SPMIP1: variants seen among roughly 807,000 people sequenced by gnomAD.
SPMIP1 encodes sperm microtubule inner protein 1.
the SPMIP1 span, among the ~76,000 whole-genome samples, chr7:128,867,179 A>C: frequency 1.9e-3 from 285 of 152,324 alleles, 9 homozygotes; most frequent in South Asian, 0.048. Context: ...ACCTGTATGT[A>C]GGCAGTGGCT....
At chr7:128,871,297 G>A in the SPMIP1 span, 2 of 152,216 alleles carry the variant, frequency 1.3e-5, no homozygotes, top group Non-Finnish European at 2.9e-5. Context: ...CTGGGAGTGA[G>A]AAGGGTCACG....
At chr7:128,871,649 A>T in the SPMIP1 span, 1 of 152,234 alleles carries the variant, frequency 6.6e-6, no homozygotes, top group African/African-American at 2.4e-5. Flanking sequence ...TGAAATTGAG[A>T]ACTTTCCCAA....
the SPMIP1 span, chr7:128,866,596 T>TCCCCCCCCCCCC: frequency 1.6e-6 from 2 of 1,240,132 alleles, no homozygotes; most frequent in East Asian, 3.3e-5. Flanking sequence ...AGCCCCACTC[T>TCCCCCCCCCCCC]CACCCCCACC....
chr7:128,867,285 C>CAA, the SPMIP1 span, among the ~76,000 whole-genome samples: 2 of 152,140 alleles, frequency 1.3e-5, no homozygotes, highest in African/African-American at 4.8e-5. Flanking sequence ...GAGCTGAAAT[C>CAA]AATTCAGGAT....
At chr7:128,870,032 C>G in the SPMIP1 span, 1 of 152,180 alleles carries the variant, frequency 6.6e-6, no homozygotes, top group Non-Finnish European at 1.5e-5. Context: ...GGGCTTCGGG[C>G]GGGTAAGCGC....
the SPMIP1 span, among the ~76,000 whole-genome samples, chr7:128,867,709 C>T: frequency 2.6e-5 from 4 of 152,146 alleles, no homozygotes; most frequent in East Asian, 7.7e-4. Flanking sequence ...GTAGCTGGGA[C>T]TGCAGGCGTG....
the SPMIP1 span, among the ~76,000 whole-genome samples, chr7:128,867,422 G>A: frequency 6.6e-6 from 1 of 152,190 alleles, no homozygotes; most frequent in South Asian, 2.1e-4. Flanking sequence ...GAGAGGTCAG[G>A]GCTGGAGCGT....
the SPMIP1 span, chr7:128,866,813 C>T: frequency 1.4e-5 from 21 of 1,533,572 alleles, no homozygotes; most frequent in Admixed American, 9.8e-5. Context: ...ACCAGCTTCA[C>T]GTATGGCTGG....
the SPMIP1 span, chr7:128,868,736 G>A: frequency 6.5e-7 from 1 of 1,535,708 alleles, no homozygotes; most frequent in Non-Finnish European, 8.7e-7. Context: ...GCAAGAACGG[G>A]GCCTTCGCAC....
the SPMIP1 span, among the ~76,000 whole-genome samples, chr7:128,867,562 T>C: frequency 6.6e-6 from 1 of 151,978 alleles, no homozygotes; most frequent in Non-Finnish European, 1.5e-5. Context: ...CATTGGAATA[T>C]AGGTGCTTTT....
At chr7:128,871,785 G>C in the SPMIP1 span, 2 of 152,216 alleles carry the variant, frequency 1.3e-5, no homozygotes, top group East Asian at 3.9e-4. Flanking sequence ...GAGACTCCTG[G>C]GCCTTTAGAA....
At chr7:128,868,786 G>C in the SPMIP1 span, 1 of 1,525,404 alleles carries the variant, frequency 6.6e-7, no homozygotes, top group Non-Finnish European at 8.8e-7. Context: ...CCGTGGGCCA[G>C]GTGTGGGCTT....
chr7:128,869,068 T>C, the SPMIP1 span: 3 of 407,444 alleles, frequency 7.4e-6, no homozygotes, highest in Non-Finnish European at 1.3e-5. Context: ...TCCAGGAAGT[T>C]CTGGGTGTTC....
At chr7:128,868,605 C>T in the SPMIP1 span, 4 of 1,086,266 alleles carry the variant, frequency 3.7e-6, no homozygotes, top group Non-Finnish European at 4.0e-6. Context: ...AGACAGGGCT[C>T]CCATGCTCTG....
At chr7:128,868,458 T>TGATGGCA in the SPMIP1 span, among the ~76,000 whole-genome samples, 15,468 of 152,130 alleles carry the variant, frequency 0.1, 1,405 homozygotes, top group East Asian at 0.32. Context: ...GCTAGGGTAA[T>TGATGGCA]GATGGCAGAT....
chr7:128,868,834 G>T, the SPMIP1 span: 2 of 1,195,746 alleles, frequency 1.7e-6, no homozygotes, highest in East Asian at 5.1e-5. Context: ...TCCTGGTGGG[G>T]CAAAGCTGCT....
the SPMIP1 span, chr7:128,866,753 A>G: frequency 2.0e-6 from 3 of 1,536,026 alleles, no homozygotes; most frequent in Non-Finnish European, 1.7e-6. Context: ...CGCTACCTCA[A>G]CACTCGAAAA....
chr7:128,867,888 A>G, the SPMIP1 span, among the ~76,000 whole-genome samples: 1 of 152,154 alleles, frequency 6.6e-6, no homozygotes, highest in Non-Finnish European at 1.5e-5. Context: ...ATTTAAATCC[A>G]TGAGATCTCC....
the SPMIP1 span, chr7:128,866,842 C>T: frequency 6.6e-7 from 1 of 1,525,386 alleles, no homozygotes; most frequent in African/African-American, 1.4e-5. Flanking sequence ...TGAGCCCAAC[C>T]TCTTGGAAAT....
Sources: gnomAD v4.1 joint callset for allele counts (sites outside exome capture counted in the v4.1 genomes callset) on GRCh38, gnomAD v4.1.1 for gene constraint, MANE v1.5 for transcripts, NCBI Gene and HGNC (gene_info 2026-07-23, HGNC 2026-07-21) for gene names.